KRABD5: variants seen among roughly 807,000 people sequenced by gnomAD.
KRABD5 encodes the protein KRAB domain-containing protein 5.
At chr16:31,754,995 A>G in the KRABD5 span, 3 of 463,950 alleles carry the variant, frequency 6.5e-6, no homozygotes, top group South Asian at 1.6e-5. Flanking sequence ...TGTTTTACTC[A>G]TTCTTCAAAT....
chr16:31,721,447 G>A, the KRABD5 span, among the ~76,000 whole-genome samples: 1 of 150,738 alleles, frequency 6.6e-6, no homozygotes, highest in Non-Finnish European at 1.5e-5. Context: ...TTAGATACTG[G>A]GGTAAAATAA....
the KRABD5 span, among the ~76,000 whole-genome samples, chr16:31,746,938 G>C: frequency 6.0e-5 from 9 of 151,116 alleles, no homozygotes; most frequent in Non-Finnish European, 1.2e-4. Flanking sequence ...GCTTCATGAA[G>C]TTCTCATGCT....
chr16:31,742,005 G>A, the KRABD5 span, among the ~76,000 whole-genome samples: 1 of 151,926 alleles, frequency 6.6e-6, no homozygotes, highest in Non-Finnish European at 1.5e-5. Context: ...GTTTGCATGT[G>A]GTTAGTCAGT....
the KRABD5 span, chr16:31,759,390 G>A: frequency 6.5e-7 from 1 of 1,537,530 alleles, no homozygotes; most frequent in Non-Finnish European, 8.8e-7. Context: ...AAATCAACAA[G>A]ATAATCTCTG....
chr16:31,748,712 C>T, the KRABD5 span, among the ~76,000 whole-genome samples: 1 of 152,068 alleles, frequency 6.6e-6, no homozygotes, highest in Admixed American at 6.5e-5. Context: ...TTGATTCTTT[C>T]TCATCTCTGT....
the KRABD5 span, among the ~76,000 whole-genome samples, chr16:31,718,580 G>T: frequency 6.6e-6 from 1 of 152,200 alleles, no homozygotes; most frequent in African/African-American, 2.4e-5. Context: ...GGCCACAACT[G>T]TCCAGAGCCG....
the KRABD5 span, chr16:31,757,501 A>G: frequency 6.6e-6 from 1 of 152,188 alleles, no homozygotes; most frequent in Non-Finnish European, 1.5e-5. Context: ...ACCTATAGAC[A>G]TAACCCTACT....
At chr16:31,738,555 A>G in the KRABD5 span, among the ~76,000 whole-genome samples, 1 of 152,016 alleles carries the variant, frequency 6.6e-6, no homozygotes, top group African/African-American at 2.4e-5. Flanking sequence ...TTTCATGTTC[A>G]GCTCATATGT....
chr16:31,732,929 ATATC>A, the KRABD5 span, among the ~76,000 whole-genome samples: 1 of 152,160 alleles, frequency 6.6e-6, no homozygotes, highest in African/African-American at 2.4e-5. Context: ...TTTTAATAGA[ATATC>A]TATGATGTAT....
chr16:31,724,934 A>G, the KRABD5 span, among the ~76,000 whole-genome samples: 2 of 152,104 alleles, frequency 1.3e-5, no homozygotes, highest in African/African-American at 4.8e-5. Flanking sequence ...CTGATATTAT[A>G]CAGTATTTGT....
the KRABD5 span, among the ~76,000 whole-genome samples, chr16:31,747,411 T>C: frequency 2.6e-5 from 4 of 152,182 alleles, no homozygotes; most frequent in East Asian, 1.9e-4. Context: ...TGGGTTGGTT[T>C]CAAGTCTTTG....
chr16:31,714,991 A>T, the KRABD5 span, among the ~76,000 whole-genome samples: 4 of 152,194 alleles, frequency 2.6e-5, no homozygotes, highest in Non-Finnish European at 5.9e-5. Flanking sequence ...TCACAGTTGA[A>T]GCAGAAAAGG....
At chr16:31,730,711 G>A in the KRABD5 span, among the ~76,000 whole-genome samples, 1 of 151,678 alleles carries the variant, frequency 6.6e-6, no homozygotes, top group African/African-American at 2.4e-5. Flanking sequence ...TACTATACAG[G>A]CTATATGCTT....
the KRABD5 span, among the ~76,000 whole-genome samples, chr16:31,716,922 T>C: frequency 6.6e-6 from 1 of 152,350 alleles, no homozygotes; most frequent in East Asian, 1.9e-4. Context: ...TGTAAGTTTT[T>C]TTCTGCCTTT....
the KRABD5 span, chr16:31,755,210 C>G: frequency 1.5e-5 from 7 of 474,222 alleles, no homozygotes; most frequent in South Asian, 1.1e-4. Context: ...CGGAGAAAAA[C>G]TTTACAAATG....
chr16:31,750,957 G>A, the KRABD5 span, among the ~76,000 whole-genome samples: 36 of 151,986 alleles, frequency 2.4e-4, 1 homozygote, highest in Non-Finnish European at 1.5e-4. Flanking sequence ...ACAGGGTTTC[G>A]CCATGTTGGC....
chr16:31,715,633 T>A, the KRABD5 span, among the ~76,000 whole-genome samples: 1 of 152,182 alleles, frequency 6.6e-6, no homozygotes, highest in Non-Finnish European at 1.5e-5. Flanking sequence ...GAAGTATAGA[T>A]GGCCCCTGGG....
chr16:31,724,590 T>C, the KRABD5 span, among the ~76,000 whole-genome samples: 1,102 of 150,828 alleles, frequency 7.3e-3, 5 homozygotes, highest in Middle Eastern at 0.01. Flanking sequence ...TACTCTGGAG[T>C]CTGAGGCAGG....
the KRABD5 span, chr16:31,756,758 A>G: frequency 1.3e-5 from 2 of 152,166 alleles, no homozygotes; most frequent in African/African-American, 2.4e-5. Flanking sequence ...TTTCAGTCCA[A>G]TTGAACACTT....
Sources: gnomAD v4.1 joint callset for allele counts (sites outside exome capture counted in the v4.1 genomes callset) on GRCh38, gnomAD v4.1.1 for gene constraint, MANE v1.5 for transcripts, NCBI Gene and HGNC (gene_info 2026-07-23, HGNC 2026-07-21) for gene names.